IGHMBP2: variants seen among roughly 807,000 people sequenced by gnomAD.
IGHMBP2 encodes DNA-binding protein SMUBP-2.
In IGHMBP2, 81 loss-of-function variants were observed where a neutral mutation model predicts 96.0. The ratio of observed to expected loss-of-function variants is 0.84; its 90% CI spans 0.71 to 1.01. IGHMBP2 has a LOEUF of 1.01. IGHMBP2 is among the 50% of genes least tolerant of loss of function. The pLI is 0.00. For synonymous variants in IGHMBP2, 557 were observed against 548.9 expected (o/e 1.01, Z -0.21); for missense variants, 1,227 against 1,306.3 (o/e 0.94, Z 0.94).
Position 68,920,857 on chromosome 11 carries a change from C to CT in IGHMBP2, c.1060+2975dup, listed in dbSNP as rs149386283. ...AGTGCAGAGGCGTGATCATAACTTG[C>CT]TGTAGCCTTGCATTCTTTGGCTCAA... On this transcript the variant is annotated intron_variant, in intron 7 of 14. Transcript: ENST00000255078. 8.4e-3 allele frequency among the ~76,000 whole-genome samples: 1,282 copies of CT among 152,306 alleles called. 17 individuals are homozygous for CT. The highest frequency in any genetic ancestry group is 0.029 in the African/African-American group (1,213 of 41,564).
At chr11:68,929,816 G>A (rs937257906) in intron 8 of IGHMBP2, 39 of 985,224 alleles carry the variant, frequency 4.0e-5, no homozygotes, top group Admixed American at 6.1e-5. Flanking sequence ...CGGAGACACC[G>A]GAGCCCTGAT....
At chr11:68,916,481 G>T (rs1858675839) in intron 6 of IGHMBP2, among the ~76,000 whole-genome samples, 1 of 152,178 alleles carries the variant, frequency 6.6e-6, no homozygotes, top group Non-Finnish European at 1.5e-5. Context: ...CCTGTCCTGT[G>T]TGCTCACTGT....
intron 7 of IGHMBP2, among the ~76,000 whole-genome samples, chr11:68,922,323 A>G (rs1858908666): frequency 1.3e-5 from 2 of 152,170 alleles, no homozygotes; most frequent in South Asian, 4.1e-4. Context: ...TCTCAAAAAA[A>G]AAAAGAAAGA....
intron 14 of IGHMBP2, 24 bp from the exon 15 acceptor site, chr11:68,939,510 C>T (rs371857441): frequency 1.2e-6 from 2 of 1,610,628 alleles, no homozygotes; most frequent in East Asian, 2.2e-5. Context: ...GTGAGCCCAG[C>T]AGTGATTCTT....
Position 68,935,374 on chromosome 11 carries a change from C to T in IGHMBP2, c.1708C>T (p.Arg570Ter), listed in dbSNP as rs1000091588. The T allele has an allele frequency of 8.1e-6, 13 of 1,613,998 alleles. No homozygotes were observed. The highest frequency in any genetic ancestry group is 2.7e-5 in the African/African-American group (2 of 74,930). Residue 570 changes from arginine (R) to a stop codon, truncating the protein, a stop_gained, in exon 12 of 15, where the codon CGA (arginine) becomes TGA (stop). Transcript: ENST00000255078. LOFTEE classifies it high-confidence loss of function. ...CAAGTCTGTCGATGGCTTCCAAGGC[C>T]GAGAGAAGGAGGCCGTGATACTGTC... is the stretch of plus-strand genomic sequence containing the variant. Reference protein sequence around the residue: ...EIKSVDGFQGREKEAVILSFV... With the variant: ...EIKSVDGFQG
At position 68,936,968 on chromosome 11, in the gene IGHMBP2, C is replaced by A. The variant is rs762546267; in HGVS notation, c.2488C>A (p.Leu830Met). 1 of 1,606,872 alleles carries A rather than the reference C, an allele frequency of 6.2e-7. No individual in the cohort carries two copies. Among genetic ancestry groups the A allele is most frequent in the Non-Finnish European group, 8.5e-7 (1 of 1,177,416 alleles). ...REQRGPDQPD[L>M]RTLHLERLQR... ...GCAGCGTGGCCCAGACCAGCCTGAT[C>A]TGAGGACGCTGCACCTGGAGAGACT... Residue 830 changes from leucine (L) to methionine (M), a missense_variant, in exon 13 of 15, where the codon CTG (leucine) becomes ATG (methionine). By Grantham distance (15) the Leu-to-Met change is conservative. Coordinates refer to ENST00000255078, the MANE Select transcript of IGHMBP2 (RefSeq NM_002180.3).
At chr11:68,924,245 G>C (rs547696876) in intron 7 of IGHMBP2, among the ~76,000 whole-genome samples, 7 of 152,346 alleles carry the variant, frequency 4.6e-5, no homozygotes, top group African/African-American at 1.4e-4. Context: ...AGCCAGGAGA[G>C]AGCACTCCCG....
chr11:68,920,407 C>T (rs1360559072), intron 7 of IGHMBP2, among the ~76,000 whole-genome samples: 1 of 152,216 alleles, frequency 6.6e-6, no homozygotes, highest in Non-Finnish European at 1.5e-5. Context: ...CCCCACCTTT[C>T]TTTCAACTAG....
Position 68,906,194 on chromosome 11 carries a change from G to A in IGHMBP2, c.212G>A (p.Arg71Gln). Reference protein sequence around the residue: ...GRLLVTFEPRRYGSAAALPSN... With the variant: ...GRLLVTFEPRQYGSAAALPSN... Reference sequence around the variant, plus strand: ...CTGCTGGTCACCTTTGAGCCCAGGCGATACGGGTCCGCGGCAGCTCTTCCC... The same window carrying A: ...CTGCTGGTCACCTTTGAGCCCAGGCAATACGGGTCCGCGGCAGCTCTTCCC... The change falls in exon 2 of 15, where the codon CGA becomes CAA. Residue 71 changes from arginine to glutamine, a missense_variant. Physicochemically the swap from Arg to Gln is conservative, Grantham distance 43. Transcript: ENST00000255078. 6.2e-7 allele frequency: 1 copy of A among 1,614,150 alleles called. No homozygotes were observed. The highest frequency in any genetic ancestry group is 1.1e-5 in the South Asian group (1 of 91,078).
rs962314464 is a variant in IGHMBP2, at chr11:68,939,912, A to G, written c.*181A>G. On this transcript the variant is annotated 3_prime_UTR_variant, in exon 15 of 15. Transcript: ENST00000255078. ...CAGGGATAAGCTTTTCCGATGTCAC[A>G]ATGTGGAGGAAAGCACCTGGGGGAC... is the stretch of plus-strand genomic sequence containing the variant. The G allele has an allele frequency of 3.3e-5, 21 of 641,646 alleles. No individual in the cohort carries two copies. The highest frequency in any genetic ancestry group is 1.2e-4 in the Admixed American group (4 of 33,862). The allele number at this position is 641,646 out of a possible 1,614,324, so 39.7% of individuals were successfully genotyped here. A position where few individuals can be genotyped will look rare whatever the true frequency, so the allele number is the denominator to read the frequency against.
rs1566445093 is a variant in IGHMBP2, at chr11:68,935,350, A to G, written c.1684A>G (p.Lys562Glu). The G allele has an allele frequency of 6.2e-7, 1 of 1,614,162 alleles. No homozygotes were observed. Among genetic ancestry groups the G allele is most frequent in the Non-Finnish European group, 8.5e-7 (1 of 1,180,032 alleles). The change falls in exon 12 of 15, where the codon AAG becomes GAG. Residue 562 changes from lysine to glutamate, a missense_variant. Lys to Glu is a moderately conservative substitution (Grantham distance 56). This residue lies in a region of IGHMBP2 where 703 missense variants were observed against 770.3 expected (regional missense o/e 0.91). Transcript: ENST00000255078. ...LVHRHPELEIKSVDGFQGREK... is the reference protein window; with the variant it reads ...LVHRHPELEIESVDGFQGREK... ...GCACAGGCACCCTGAGCTTGAAATC[A>G]AGTCTGTCGATGGCTTCCAAGGCCG... is the stretch of plus-strand genomic sequence containing the variant.
At chr11:68,917,628 T>TA (rs1858720076) in intron 6 of IGHMBP2, 108 bp from the exon 7 acceptor site, 14 of 911,220 alleles carry the variant, frequency 1.5e-5, no homozygotes, top group Admixed American at 1.9e-5. Flanking sequence ...GAGTGTTTTT[T>TA]ACGGAGTTTA....
rs146266992 is a variant in IGHMBP2 at position 68,936,620 on chromosome 11, G to A, written c.2140G>A (p.Gly714Arg). 5.0e-5 allele frequency: 80 copies of A among 1,613,550 alleles called. No individual in the cohort carries two copies. The African/African-American group carries it at 9.6e-4, about 19-fold the overall frequency. Residue 714 changes from glycine (G) to arginine (R), a missense_variant, in exon 13 of 15, where the codon GGA becomes AGA. By Grantham distance (125) the Gly-to-Arg change is moderately radical (BLOSUM62 -2). Coordinates refer to ENST00000255078, the MANE Select transcript of IGHMBP2 (RefSeq NM_002180.3). ...SEAPSQPSLNGGSPEGVESQD... is the reference protein window; with the variant it reads ...SEAPSQPSLNRGSPEGVESQD... The stretch of plus-strand genomic sequence containing the variant: ...AGCTCCATCTCAGCCCAGCCTCAAC[G>A]GAGGCAGCCCAGAGGGAGTGGAGAG...
Position 68,937,070 on chromosome 11 carries a change from A to G in IGHMBP2, c.2590A>G (p.Lys864Glu). 1.9e-6 allele frequency: 3 copies of G among 1,599,550 alleles called. No individual in the cohort carries two copies. Among genetic ancestry groups the G allele is most frequent in the Non-Finnish European group, 8.5e-7 (1 of 1,179,842 alleles). Reference protein sequence around the residue: ...QASGQQKLPEKKKKKAKGHPA... With the variant: ...QASGQQKLPEEKKKKAKGHPA... Reference sequence around the variant, plus strand: ...CTCAGGGCAGCAGAAACTTCCAGAAAAGAAAAAGAAAAAAGCCAAAGGTAA... The same window carrying G: ...CTCAGGGCAGCAGAAACTTCCAGAAGAGAAAAAGAAAAAAGCCAAAGGTAA... The change falls in exon 13 of 15, where the codon AAG becomes GAG. Residue 864 changes from lysine (K) to glutamate (E), a missense_variant. Coordinates refer to ENST00000255078, the MANE Select transcript of IGHMBP2 (RefSeq NM_002180.3).
At chr11:68,906,748 T>A (rs961476350) in intron 2 of IGHMBP2, among the ~76,000 whole-genome samples, 18 of 151,176 alleles carry the variant, frequency 1.2e-4, no homozygotes, top group Non-Finnish European at 2.5e-4. Context: ...GTTCAAGTGA[T>A]TCTCCTGCCT....
intron 5 of IGHMBP2, among the ~76,000 whole-genome samples, chr11:68,913,693 A>C (rs1159851534): frequency 6.6e-6 from 1 of 151,790 alleles, no homozygotes; most frequent in Non-Finnish European, 1.5e-5. Flanking sequence ...CCAAGGGGGG[A>C]GGATCACTTG....
At chr11:68,913,758 A>G (rs1190119331) in intron 5 of IGHMBP2, among the ~76,000 whole-genome samples, 1 of 152,118 alleles carries the variant, frequency 6.6e-6, no homozygotes, top group Non-Finnish European at 1.5e-5. Flanking sequence ...GTCTCTACAA[A>G]AAATAGAAGA....
chr11:68,913,277 G>A (rs760291544), intron 5 of IGHMBP2, among the ~76,000 whole-genome samples: 3 of 152,154 alleles, frequency 2.0e-5, no homozygotes, highest in Non-Finnish European at 2.9e-5. Context: ...CAGATTGGTG[G>A]TTTTAATTGG....
At position 68,935,317 on chromosome 11, in the gene IGHMBP2, A is replaced by C; in HGVS notation, c.1651A>C (p.Ser551Arg). 2 of 1,614,076 alleles carry C rather than the reference A, an allele frequency of 1.2e-6. No homozygotes were observed. The highest frequency in any genetic ancestry group is 1.7e-6 in the Non-Finnish European group (2 of 1,180,028). The change falls in exon 12 of 15, where the codon AGC (serine) becomes CGC (arginine). Residue 551 changes from serine to arginine, a missense_variant. Ser to Arg is a moderately radical substitution (Grantham distance 110). Transcript: ENST00000255078. ...YNLQVDLLRQ[S>R]LVHRHPELEI... is the part of the protein sequence containing the mutation. ...GTTTCAGGTGGACCTGCTCAGACAG[A>C]GCCTTGTGCACAGGCACCCTGAGCT...
Sources: gnomAD v4.1 joint callset for allele counts (sites outside exome capture counted in the v4.1 genomes callset) on GRCh38, gnomAD v4.1.1 for gene constraint, gnomAD v4.1.1 regional missense constraint, MANE v1.5 for transcripts, NCBI Gene and HGNC (gene_info 2026-07-23, HGNC 2026-07-21) for gene names.